CHRM3: variants seen among roughly 807,000 people sequenced by gnomAD.
The protein encoded by CHRM3 is cholinergic receptor muscarinic 3, also known as muscarinic acetylcholine receptor M3.
A neutral mutation model predicts 41.8 loss-of-function variants in CHRM3; 11 were observed. That is an observed-to-expected ratio of 0.26 (90% CI 0.17 to 0.44). The LOEUF (loss-of-function observed/expected upper bound fraction) is 0.44, where lower values mean the gene tolerates loss of function less well. Ranked by LOEUF, CHRM3 falls within the 20% of genes least tolerant of loss-of-function variation. CHRM3 has a pLI of 1.00. For missense variants in CHRM3, 571 were observed against 745.4 expected (o/e 0.77, Z 2.72); for synonymous variants, 297 against 301.4 (o/e 0.99, Z 0.15).
intron 1 of CHRM3, among the ~76,000 whole-genome samples, chr1:239,416,984 T>G (rs1178830933): frequency 6.6e-6 from 1 of 152,130 alleles, no homozygotes; most frequent in African/African-American, 2.4e-5. Flanking sequence ...TATAATGTCT[T>G]GAGAGTTTTG....
chr1:239,831,824 T>C (rs955981211), intron 6 of CHRM3, among the ~76,000 whole-genome samples: 10 of 152,176 alleles, frequency 6.6e-5, no homozygotes, highest in African/African-American at 2.4e-4. Flanking sequence ...AGGTGTTATA[T>C]AGATTAAAGC....
chr1:239,428,654 A>G (rs1037114753), intron 1 of CHRM3, among the ~76,000 whole-genome samples: 1 of 152,244 alleles, frequency 6.6e-6, no homozygotes, highest in Non-Finnish European at 1.5e-5. Context: ...ACACCTTACC[A>G]AAAGATTAGT....
chr1:239,624,577 A>G lies in CHRM3; in HGVS notation c.-312-7647A>G, dbSNP rs1216842098. Among the ~76,000 whole-genome samples, 243 of 150,376 alleles carry G rather than the reference A, an allele frequency of 1.6e-3. 1 individual carries two copies. The highest frequency in any genetic ancestry group is 5.9e-3 in the African/African-American group (234 of 39,828). On this transcript the variant is annotated intron_variant, in intron 3 of 6. Coordinates refer to ENST00000676153, the MANE Select transcript of CHRM3 (RefSeq NM_001375978.1). Reference sequence around the variant, plus strand: ...TTTTGGACATGAAGTCCTTGCCCACACCTATGTCCTGAGTGGTAATGCCTA... The same window carrying G: ...TTTTGGACATGAAGTCCTTGCCCACGCCTATGTCCTGAGTGGTAATGCCTA...
At chr1:239,622,568 A>G (rs1668503993) in intron 3 of CHRM3, among the ~76,000 whole-genome samples, 4 of 152,172 alleles carry the variant, frequency 2.6e-5, no homozygotes. Flanking sequence ...AAGAATAAAT[A>G]CCATTGTGGT....
In CHRM3 at chr1:239,484,615, C is replaced by T. The variant is rs868261073; in HGVS notation, c.-520-8094C>T. On this transcript the variant is annotated intron_variant, in intron 1 of 6. Transcript: ENST00000676153. ...TCAGGAGGTTAAGGTGGGAGGATCA[C>T]TTGAGCCCTGGAGTTTGAGGTTGCA... Among the ~76,000 whole-genome samples the T allele has an allele frequency of 7.9e-5, 12 of 152,252 alleles. No homozygotes were observed. In the East Asian group the frequency reaches 1.4e-3, roughly 17 times the overall value.
At chr1:239,867,218 C>A (rs974280774) in intron 6 of CHRM3, among the ~76,000 whole-genome samples, 1 of 152,114 alleles carries the variant, frequency 6.6e-6, no homozygotes, top group African/African-American at 2.4e-5. Flanking sequence ...AATTATTTTC[C>A]CTTATAGGGA....
At chr1:239,841,432 C>A (rs1184040820) in intron 6 of CHRM3, among the ~76,000 whole-genome samples, 3 of 152,212 alleles carry the variant, frequency 2.0e-5, no homozygotes, top group Admixed American at 6.5e-5. Flanking sequence ...TCATTGTGTG[C>A]AGATTCGCAA....
intron 5 of CHRM3, among the ~76,000 whole-genome samples, chr1:239,790,668 A>G (rs1324791204): frequency 6.6e-6 from 1 of 152,200 alleles, no homozygotes; most frequent in Non-Finnish European, 1.5e-5. Context: ...TCCCCTGTCT[A>G]GCCTGGCAAT....
At chr1:239,518,926 A>AT (rs1558284166) in intron 2 of CHRM3, among the ~76,000 whole-genome samples, 1 of 152,188 alleles carries the variant, frequency 6.6e-6, no homozygotes, top group African/African-American at 2.4e-5. Flanking sequence ...TTATACATAT[A>AT]TTTTTGTGTA....
intron 4 of CHRM3, among the ~76,000 whole-genome samples, chr1:239,673,588 AG>A (rs1657631564): frequency 6.6e-6 from 1 of 152,186 alleles, no homozygotes; most frequent in African/African-American, 2.4e-5. Context: ...ATAATTTAAT[AG>A]TACATTATAA....
intron 5 of CHRM3, among the ~76,000 whole-genome samples, chr1:239,732,895 C>T (rs1664076754): frequency 6.6e-6 from 1 of 150,390 alleles, no homozygotes; most frequent in Non-Finnish European, 1.5e-5. Flanking sequence ...TCTAATATCA[C>T]TTAGATAAGT....
intron 6 of CHRM3, among the ~76,000 whole-genome samples, chr1:239,900,503 C>T (rs1232618098): frequency 1.3e-5 from 2 of 151,646 alleles, no homozygotes; most frequent in African/African-American, 4.9e-5. Flanking sequence ...AGGCCGTGGC[C>T]CCAAGGCCTC....
Position 239,444,236 on chromosome 1 carries a change from C to G in CHRM3, c.-520-48473C>G, listed in dbSNP as rs115750748. Among the ~76,000 whole-genome samples, 1,197 of 152,274 alleles carry G rather than the reference C, an allele frequency of 7.9e-3. 14 individuals carry two copies. The highest frequency in any genetic ancestry group is 0.028 in the African/African-American group (1,144 of 41,558). ...ACAAAATACAAAAGTCCATCCTATT[C>G]TATTTTAACTGTCTCCATATATTTT... is the stretch of plus-strand genomic sequence containing the variant. On this transcript the variant is annotated intron_variant, in intron 1 of 6. Transcript: ENST00000676153.
At chr1:239,776,734 A>C (rs1668115509) in intron 5 of CHRM3, among the ~76,000 whole-genome samples, 1 of 152,192 alleles carries the variant, frequency 6.6e-6, no homozygotes, top group South Asian at 2.1e-4. Flanking sequence ...TAAAGGAAAG[A>C]GGTTTAATTG....
At chr1:239,673,608 T>G (rs1657633120) in intron 4 of CHRM3, among the ~76,000 whole-genome samples, 1 of 152,154 alleles carries the variant, frequency 6.6e-6, no homozygotes, top group Non-Finnish European at 1.5e-5. Context: ...AAGAATGAGA[T>G]TATGATTTTA....
chr1:239,887,686 A>G (rs547675401), intron 6 of CHRM3, among the ~76,000 whole-genome samples: 50 of 152,328 alleles, frequency 3.3e-4, no homozygotes, highest in Admixed American at 6.5e-4. Flanking sequence ...TTCTAAGTAT[A>G]TGAATATGCC....
chr1:239,688,884 G>A (rs1249891030), intron 5 of CHRM3, among the ~76,000 whole-genome samples: 1 of 138,604 alleles, frequency 7.2e-6, no homozygotes, highest in Non-Finnish European at 1.5e-5. Context: ...ATTTATATAT[G>A]TATATATAAT....
intron 6 of CHRM3, among the ~76,000 whole-genome samples, chr1:239,865,218 G>T (rs911398966): frequency 6.6e-6 from 1 of 152,034 alleles, no homozygotes. Context: ...GCAAGATGGA[G>T]AACTACATGT....
intron 4 of CHRM3, among the ~76,000 whole-genome samples, chr1:239,653,840 T>C (rs960088334): frequency 6.6e-6 from 1 of 151,188 alleles, no homozygotes; most frequent in African/African-American, 2.4e-5. Context: ...TGGGAGAGAG[T>C]TGCAATCTTT....
Sources: allele counts gnomAD v4.1 joint callset (sites outside exome capture counted in the v4.1 genomes callset), GRCh38; gene constraint gnomAD v4.1.1; transcripts MANE v1.5; gene names NCBI Gene and HGNC (gene_info 2026-07-23, HGNC 2026-07-21).